CHD3: variants seen among roughly 807,000 people sequenced by gnomAD.
CHD3 encodes the protein chromodomain helicase DNA binding protein 3, also known as ATP-dependent chromatin remodeler CHD3.
Under a neutral mutation model 248.9 loss-of-function variants are expected in CHD3, and 52 were observed. The observed-to-expected ratio is 0.21, with a 90% CI of 0.17 to 0.26. CHD3 has a LOEUF of 0.26. Ranked by LOEUF, CHD3 falls within the 10% of genes least tolerant of loss-of-function variation. The probability of loss-of-function intolerance (pLI) is 1.00; values close to 1 mark genes in which losing one functional copy is unlikely to be tolerated. For missense variants in CHD3, 1,482 were observed against 2,605.8 expected, an observed-to-expected ratio of 0.57 and a Z score of 9.39; for synonymous variants, 985 against 985.2, an observed-to-expected ratio of 1.00 and a Z score of 0.00.
chr17:7,907,957 G>T lies in CHD3; in HGVS notation c.5090G>T (p.Arg1697Leu), dbSNP rs61738372. 2 of 1,612,964 alleles carry T rather than the reference G, an allele frequency of 1.2e-6. No homozygotes were observed. Among genetic ancestry groups the T allele is most frequent in the African/African-American group, 2.7e-5 (2 of 74,858 alleles). ...GPRDEPRSNG[R>L]REEKTEKPRF... ...CGAGATGAGCCACGGTCCAATGGGC[G>T]ACGAGAGGAAAAGACAGAGAAGCCC... Residue 1697 changes from arginine (R) to leucine (L), a missense_variant, in exon 34 of 40, where the codon CGA becomes CTA. Physicochemically the swap from Arg to Leu is moderately radical, Grantham distance 102. This residue lies in a region of CHD3 where 254 missense variants were observed against 266.7 expected (regional missense o/e 0.95). Coordinates refer to ENST00000330494, the MANE Select transcript of CHD3 (RefSeq NM_001005273.3). The surrounding 1 kb of genome is among the most constrained non-coding windows in gnomAD (Gnocchi z 4.3).
rs1201225494 is a variant in CHD3, at chr17:7,900,588, T to C, written c.2835T>C (p.Ala945=). 1.2e-6 allele frequency: 2 copies of C among 1,613,838 alleles called. No individual in the cohort carries two copies. The highest frequency in any genetic ancestry group is 1.7e-5 in the Admixed American group (1 of 59,994). ...NNLEGFLEEF[A]DISKEDQIKK... is the part of the protein sequence containing the mutation. ...TGGAGGGCTTCCTGGAGGAGTTTGC[T>C]GACATATCCAAAGAGGACCAGATCA... is the stretch of plus-strand genomic sequence containing the variant. The change falls in exon 18 of 40, where the codon GCT becomes GCC. Residue 945 remains alanine (A), a synonymous_variant. Transcript: ENST00000330494. This position sits in a 1 kb window ranked among gnomAD's most constrained non-coding sequence, Gnocchi z 6.5.
chr17:7,904,962 A>C lies in CHD3; in HGVS notation c.4073-138A>C. The C allele has an allele frequency of 1.3e-6, 1 of 784,044 alleles. No individual in the cohort carries two copies. The highest frequency in any genetic ancestry group is 1.6e-5 in the South Asian group (1 of 63,240). The allele number at this position is 784,044 out of a possible 1,614,324, so 48.6% of individuals were successfully genotyped here. The stretch of plus-strand genomic sequence containing the variant: ...CTCCCAAGTCAGACTTTGGGCAGTG[A>C]TCTGGTGTTCCCAGAAGGACCAAGG... On this transcript the variant is annotated intron_variant, in intron 25 of 39. Coordinates refer to ENST00000330494, the MANE Select transcript of CHD3 (RefSeq NM_001005273.3). This position sits in a 1 kb window ranked among gnomAD's most constrained non-coding sequence, Gnocchi z 4.4.
intron 12 of CHD3, 104 bp downstream of exon 12, chr17:7,898,206 A>T: frequency 7.2e-7 from 1 of 1,397,648 alleles, no homozygotes; most frequent in Non-Finnish European, 9.8e-7. Context: ...TTCAACCTGG[A>T]GTTCAGGGCA....
upstream of CHD3, among the ~76,000 whole-genome samples, chr17:7,888,188 A>AC (rs1477678738): frequency 1.3e-5 from 2 of 151,690 alleles, no homozygotes; most frequent in African/African-American, 2.4e-5. Context: ...TCTGGCAGCC[A>AC]CCCCCCTGCA....
rs1828935272 is a variant in CHD3 at position 7,898,539 on chromosome 17, A to G, written c.2095A>G (p.Lys699Glu). 1 of 1,552,700 alleles carries G rather than the reference A, an allele frequency of 6.4e-7. No individual in the cohort carries two copies. The highest frequency in any genetic ancestry group is 1.4e-5 in the African/African-American group (1 of 73,396). The change falls in exon 13 of 40, where the codon AAG (lysine) becomes GAG (glutamate). Residue 699 changes from lysine (K) to glutamate (E), a missense_variant. Around this residue, in one of 20 missense-constraint regions of CHD3, gnomAD observed 127 missense variants for 188.3 expected, o/e 0.67. Coordinates refer to ENST00000330494, the MANE Select transcript of CHD3 (RefSeq NM_001005273.3). Reference protein sequence around the residue: ...GEDPAQPRKYKKKKKELQGDG... With the variant: ...GEDPAQPRKYEKKKKELQGDG... Reference sequence around the variant, plus strand: ...AGACCCTGCCCAGCCCCGCAAGTATAAGAAGAAGAAGAAGGAGCTACAGGG... The same window carrying G: ...AGACCCTGCCCAGCCCCGCAAGTATGAGAAGAAGAAGAAGGAGCTACAGGG...
chr17:7,894,555 C>G lies in CHD3; in HGVS notation c.1216C>G (p.Leu406Val). ...TCPRAYHLVC[L>V]DPELDRAPEG... is the part of the protein sequence containing the mutation. ...CCCTCGTGCCTACCACCTCGTCTGCCTTGATCCTGAGCTTGACCGGGCTCC... is the reference window on the plus strand; with the variant it reads ...CCCTCGTGCCTACCACCTCGTCTGCGTTGATCCTGAGCTTGACCGGGCTCC... Residue 406 changes from leucine to valine, a missense_variant, in exon 8 of 40, where the codon CTT (leucine) becomes GTT (valine). By Grantham distance (32) the Leu-to-Val change is conservative. Coordinates refer to ENST00000330494, the MANE Select transcript of CHD3 (RefSeq NM_001005273.3). 1 of 1,614,126 alleles carries G rather than the reference C, an allele frequency of 6.2e-7. No homozygotes were observed. Among genetic ancestry groups the G allele is most frequent in the Non-Finnish European group, 8.5e-7 (1 of 1,180,004 alleles).
upstream of CHD3, among the ~76,000 whole-genome samples, chr17:7,887,806 G>A (rs934824904): frequency 3.3e-5 from 5 of 152,214 alleles, no homozygotes; most frequent in African/African-American, 1.2e-4. Flanking sequence ...GGGAGAGTCT[G>A]GGCTCCAGGC....
chr17:7,889,914 C>T lies in CHD3; in HGVS notation c.213+138C>T, dbSNP rs1968585310. ...GAGGCTTGATCCCCCGGGCCCCCCA[C>T]TTCCCTGCCACTGTTGGCCTGTATC... On this transcript the variant is annotated intron_variant, in intron 2 of 39. Coordinates refer to ENST00000330494, the MANE Select transcript of CHD3 (RefSeq NM_001005273.3). The surrounding 1 kb of genome is among the most constrained non-coding windows in gnomAD (Gnocchi z 4.5). 5 of 758,960 alleles carry T rather than the reference C, an allele frequency of 6.6e-6. No individual in the cohort carries two copies. Among genetic ancestry groups the T allele is most frequent in the Admixed American group, 5.2e-5 (2 of 38,502 alleles). The allele number at this position is 758,960 out of a possible 1,614,324, so 47.0% of individuals were successfully genotyped here.
In CHD3 at chr17:7,895,759, G is replaced by C. The variant is rs980321111; in HGVS notation, c.1707+217G>C. Reference sequence around the variant, plus strand: ...CGTTAGCTTCCTTCCCTCAGATATAGCATAGCCTTTCCTAACTTCATGTCC... The same window carrying C: ...CGTTAGCTTCCTTCCCTCAGATATACCATAGCCTTTCCTAACTTCATGTCC... On this transcript the variant is annotated intron_variant, in intron 10 of 39. Coordinates refer to ENST00000330494, the MANE Select transcript of CHD3 (RefSeq NM_001005273.3). The surrounding 1 kb of genome is among the most constrained non-coding windows in gnomAD (Gnocchi z 4.9). Among the ~76,000 whole-genome samples the C allele has an allele frequency of 3.9e-5, 6 of 152,076 alleles. No individual in the cohort carries two copies. In the East Asian group the frequency reaches 5.8e-4, roughly 15 times the overall value.
Position 7,894,484 on chromosome 17 carries a change from G to A in CHD3, c.1145G>A (p.Cys382Tyr). Residue 382 changes from cysteine to tyrosine, a missense_variant, in exon 8 of 40, where the codon TGT (cysteine) becomes TAT (tyrosine). Coordinates refer to ENST00000330494, the MANE Select transcript of CHD3 (RefSeq NM_001005273.3). Reference sequence around the variant, plus strand: ...TACGAGACGGATCACCAGGATTACTGTGAGGTGTGCCAGCAGGGTGGGGAA... The same window carrying A: ...TACGAGACGGATCACCAGGATTACTATGAGGTGTGCCAGCAGGGTGGGGAA... ...DGYETDHQDY[C>Y]EVCQQGGEII... The A allele has an allele frequency of 1.2e-6, 2 of 1,614,168 alleles. No individual in the cohort carries two copies. The highest frequency in any genetic ancestry group is 1.7e-6 in the Non-Finnish European group (2 of 1,180,032).
At position 7,905,418 on chromosome 17, in the gene CHD3, A is replaced by G; in HGVS notation, c.4139-203A>G. 1 of 611,878 alleles carries G rather than the reference A, an allele frequency of 1.6e-6. No homozygotes were observed. Among genetic ancestry groups the G allele is most frequent in the Middle Eastern group, 3.1e-4 (1 of 3,194 alleles). The allele number at this position is 611,878 out of a possible 1,614,324, so 37.9% of individuals were successfully genotyped here. On this transcript the variant is annotated intron_variant, in intron 26 of 39. Coordinates refer to ENST00000330494, the MANE Select transcript of CHD3 (RefSeq NM_001005273.3). The surrounding 1 kb of genome is among the most constrained non-coding windows in gnomAD (Gnocchi z 5.8). ...CTGGTAATCTGGGCCTTTGTCAGAT[A>G]TCAGCTGTTAATTTTAAAATATGAC...
At position 7,908,586 on chromosome 17, in the gene CHD3, A is replaced by G. The variant is rs574072575; in HGVS notation, c.5261+76A>G. On this transcript the variant is annotated intron_variant, in intron 35 of 39. Transcript: ENST00000330494. The surrounding 1 kb of genome is among the most constrained non-coding windows in gnomAD (Gnocchi z 5.8). ...AAAAAAAAAAGATGATTTCACACCC[A>G]GGGACAGGGCTAGTGCCACACTTTG... 135 of 1,585,524 alleles carry G rather than the reference A, an allele frequency of 8.5e-5. No individual in the cohort carries two copies. In the African/African-American group the frequency reaches 1.6e-3, roughly 19 times the overall value.
Position 7,900,079 on chromosome 17 carries a change from C to T in CHD3, c.2682+46C>T, listed in dbSNP as rs1035365276. 6.4e-6 allele frequency: 10 copies of T among 1,572,966 alleles called. No individual in the cohort carries two copies. The Middle Eastern group carries it at 6.8e-4, about 107-fold the overall frequency. The stretch of plus-strand genomic sequence containing the variant: ...TAAAAAACTTGAAGTTGTGGACTTC[C>T]CACTTGCCTTGGTCCTAAAAAACAA... On this transcript the variant is annotated intron_variant, in intron 16 of 39. Coordinates refer to ENST00000330494, the MANE Select transcript of CHD3 (RefSeq NM_001005273.3). This position sits in a 1 kb window ranked among gnomAD's most constrained non-coding sequence, Gnocchi z 6.5.
rs1039197417 is a variant in CHD3, at chr17:7,899,558, C to G, written c.2544+15C>G. The G allele has an allele frequency of 1.9e-6, 3 of 1,608,002 alleles. No homozygotes were observed. The highest frequency in any genetic ancestry group is 1.7e-5 in the Admixed American group (1 of 59,948). On this transcript the variant is annotated intron_variant, in intron 15 of 39. Transcript: ENST00000330494. The surrounding 1 kb of genome is among the most constrained non-coding windows in gnomAD (Gnocchi z 6.8). ...TTAAGATGAAGGTAAGACCCTCTACCTCATATCCTCTGAGACCCTCAAAGC... is the reference window on the plus strand; with the variant it reads ...TTAAGATGAAGGTAAGACCCTCTACGTCATATCCTCTGAGACCCTCAAAGC...
rs1971789227 is a variant in CHD3, at chr17:7,912,682, C to G, written c.*1097C>G. 1 of 150,788 alleles carries G rather than the reference C, an allele frequency of 6.6e-6. No homozygotes were observed. Among genetic ancestry groups the G allele is most frequent in the Admixed American group, 6.7e-5 (1 of 14,970 alleles). The allele number at this position is 150,788 out of a possible 1,614,324, so 9.3% of individuals were successfully genotyped here. On this transcript the variant is annotated 3_prime_UTR_variant, in exon 40 of 40. Coordinates refer to ENST00000330494, the MANE Select transcript of CHD3 (RefSeq NM_001005273.3). ...CCCTTTCCCAGTCTCTCTTCACACC[C>G]ACTCCTGGTCTGTCCTGATCCCCTC...
chr17:7,899,267 AGG>A lies in CHD3; in HGVS notation c.2343+68_2343+69del. 1.2e-6 allele frequency: 2 copies of A among 1,601,432 alleles called. No homozygotes were observed. The highest frequency in any genetic ancestry group is 1.7e-6 in the Non-Finnish European group (2 of 1,169,686). Reference sequence around the variant, plus strand: ...GGGGAAGTGGGGAGGGGGAAGATAAAGGGGTGTAGCTGGCAGAGGACTAGGGT... The same window carrying A: ...GGGGAAGTGGGGAGGGGGAAGATAAAGGTGTAGCTGGCAGAGGACTAGGGT... On this transcript the variant is annotated intron_variant, in intron 14 of 39. Coordinates refer to ENST00000330494, the MANE Select transcript of CHD3 (RefSeq NM_001005273.3). This position sits in a 1 kb window ranked among gnomAD's most constrained non-coding sequence, Gnocchi z 6.8.
rs1971333116 is a variant in CHD3 at position 7,909,109 on chromosome 17, GC to G, written c.5395-31del. 2 of 1,550,438 alleles carry G rather than the reference GC, an allele frequency of 1.3e-6. No homozygotes were observed. Among genetic ancestry groups the G allele is most frequent in the Non-Finnish European group, 1.7e-6 (2 of 1,147,540 alleles). On this transcript the variant is annotated intron_variant, in intron 36 of 39. Transcript: ENST00000330494. The surrounding 1 kb of genome is among the most constrained non-coding windows in gnomAD (Gnocchi z 8.1). ...CAGCCCCTCACCCACTGCTGGCAGA[GC>G]CCTACCTTCACCTCCCAACTCTGTG...
Position 7,908,793 on chromosome 17 carries a change from G to A in CHD3, c.5358G>A (p.Leu1786=), listed in dbSNP as rs1289041948. 6.2e-7 allele frequency: 1 copy of A among 1,614,156 alleles called. No homozygotes were observed. Among genetic ancestry groups the A allele is most frequent in the African/African-American group, 1.3e-5 (1 of 75,040 alleles). Residue 1786 remains leucine, a synonymous_variant, in exon 36 of 40, where the codon CTG becomes CTA. Transcript: ENST00000330494. The surrounding 1 kb of genome is among the most constrained non-coding windows in gnomAD (Gnocchi z 5.8). The part of the protein sequence containing the change: ...FKTEANKGNF[L]EMKNKFLARR... ...CTGAAGCCAATAAGGGGAACTTTCT[G>A]GAGATGAAAAATAAGTTCCTGGCCC...
In CHD3 at chr17:7,908,858, T is replaced by C; in HGVS notation, c.5394+29T>C. The C allele has an allele frequency of 6.2e-7, 1 of 1,613,856 alleles. No homozygotes were observed. Among genetic ancestry groups the C allele is most frequent in the Non-Finnish European group, 8.5e-7 (1 of 1,179,864 alleles). On this transcript the variant is annotated intron_variant, in intron 36 of 39. Transcript: ENST00000330494. The surrounding 1 kb of genome is among the most constrained non-coding windows in gnomAD (Gnocchi z 5.8). ...GGAATGAGGGAGGAAAGGAGCGGGT[T>C]ATAGACGGGCTTGGGTCAGAAGTGA...
Sources: allele counts gnomAD v4.1 joint callset (sites outside exome capture counted in the v4.1 genomes callset), GRCh38; gene constraint gnomAD v4.1.1; regional missense constraint gnomAD v4.1.1; non-coding constraint Gnocchi (gnomAD v3.1); transcripts MANE v1.5; gene names NCBI Gene and HGNC (gene_info 2026-07-23, HGNC 2026-07-21).